WDR26: variants seen among roughly 807,000 people sequenced by gnomAD.
WDR26 encodes WD repeat domain 26.
A neutral mutation model predicts 84.1 loss-of-function variants in WDR26; 5 were observed. That is an observed-to-expected ratio of 0.06 (90% CI 0.03 to 0.13). The LOEUF is 0.13. Ranked by LOEUF, WDR26 falls within the 10% of genes least tolerant of loss-of-function variation. The pLI is 1.00. For synonymous variants in WDR26, 415 were observed against 389.6 expected (o/e 1.07, Z -0.77); for missense variants, 642 against 974.9 (o/e 0.66, Z 4.55).
intron 6 of WDR26, among the ~76,000 whole-genome samples, chr1:224,415,109 A>G (rs963270160): frequency 6.6e-6 from 1 of 152,246 alleles, no homozygotes; most frequent in Non-Finnish European, 1.5e-5. Flanking sequence ...CTGTGTATAT[A>G]ACGTAATGTC....
At chr1:224,413,780 C>G (rs1673805930) in intron 6 of WDR26, among the ~76,000 whole-genome samples, 1 of 152,086 alleles carries the variant, frequency 6.6e-6, no homozygotes, top group South Asian at 2.1e-4. Context: ...ATTTCAGTAT[C>G]AGAAATAGTT....
rs1491057968 is a variant in WDR26 at position 224,391,382 on chromosome 1, AAC to A, written c.2261-1524_2261-1523del. 5.0e-3 allele frequency among the ~76,000 whole-genome samples: 418 copies of A among 84,372 alleles called. 2 individuals carry two copies. Among genetic ancestry groups the A allele is most frequent in the African/African-American group, 0.022 (365 of 16,442 alleles). The allele number at this position is 84,372 out of a possible 152,430, so 55.4% of individuals were successfully genotyped here. A position where few individuals can be genotyped will look rare whatever the true frequency, so the allele number is the denominator to read the frequency against. ...CTGTCTCAAAAAAAAAAAAAAAAAA[AAC>A]AAAAAAAAAACCTTAATTCTACTGT... is the stretch of plus-strand genomic sequence containing the variant. On this transcript the variant is annotated intron_variant, in intron 13 of 13. Transcript: ENST00000414423.
Position 224,386,352 on chromosome 1 carries a change from A to G in WDR26, c.*3483T>C, listed in dbSNP as rs544872144. 5.2e-5 allele frequency: 8 copies of G among 152,742 alleles called. No homozygotes were observed. The East Asian group carries it at 1.3e-3, about 26-fold the overall frequency. 9.5% of individuals were successfully genotyped at this position (152,742 alleles called of 1,614,324 possible). A position where few individuals can be genotyped will look rare whatever the true frequency, so the allele number is the denominator to read the frequency against. ...TGGGACAAAAAGGATATTAAGAAAA[A>G]TGTCTTCTTTCCTCCCCATTCAAAA... On this transcript the variant is annotated 3_prime_UTR_variant, in exon 14 of 14. Coordinates refer to ENST00000414423, the MANE Select transcript of WDR26 (RefSeq NM_001379403.1).
At chr1:224,415,294 A>G (rs1435923685) in intron 6 of WDR26, among the ~76,000 whole-genome samples, 2 of 152,142 alleles carry the variant, frequency 1.3e-5, no homozygotes, top group Non-Finnish European at 1.5e-5. Flanking sequence ...TGTTTCGGAC[A>G]TGCTGTGTTT....
chr1:224,412,963 CG>C (rs1558431632), intron 6 of WDR26: 1 of 155,054 alleles, frequency 6.4e-6, no homozygotes, highest in African/African-American at 2.4e-5. Context: ...CCAAGGCAGA[CG>C]GATCACCTGA....
intron 4 of WDR26, among the ~76,000 whole-genome samples, chr1:224,422,404 A>G (rs1558440242): frequency 6.6e-6 from 1 of 152,340 alleles, no homozygotes; most frequent in East Asian, 1.9e-4. Flanking sequence ...CTGCTGTGTG[A>G]AATATGCATT....
intron 6 of WDR26, among the ~76,000 whole-genome samples, chr1:224,416,267 G>A (rs561490295): frequency 6.7e-6 from 1 of 149,780 alleles, no homozygotes; most frequent in South Asian, 2.1e-4. Flanking sequence ...TCACTCTGTC[G>A]CCCAGGCTAG....
intron 3 of WDR26, among the ~76,000 whole-genome samples, chr1:224,427,863 G>A (rs1404530943): frequency 1.3e-5 from 2 of 152,096 alleles, no homozygotes; most frequent in African/African-American, 4.8e-5. Context: ...AATATTTACT[G>A]AAAACATTGT....
At chr1:224,417,765 T>C (rs1298724680) in intron 6 of WDR26, among the ~76,000 whole-genome samples, 2 of 152,162 alleles carry the variant, frequency 1.3e-5, no homozygotes, top group Admixed American at 6.6e-5. Context: ...ACCATTAAAA[T>C]AGTAGGTATA....
At position 224,414,295 on chromosome 1, in the gene WDR26, A is replaced by G. The variant is rs540582913; in HGVS notation, c.1320-2730T>C. ...TAATTTTTGTATTTTTAGTAGAGGC[A>G]GGGTCTTGCCATGTTGCCCAGGCTG... On this transcript the variant is annotated intron_variant, in intron 6 of 13. Coordinates refer to ENST00000414423, the MANE Select transcript of WDR26 (RefSeq NM_001379403.1). 2.0e-5 allele frequency among the ~76,000 whole-genome samples: 3 copies of G among 151,706 alleles called. No homozygotes were observed. In the East Asian group the frequency reaches 5.8e-4, roughly 29 times the overall value.
chr1:224,424,439 T>C, intron 4 of WDR26, 79 bp downstream of exon 4: 1 of 1,551,360 alleles, frequency 6.4e-7, no homozygotes, highest in Non-Finnish European at 8.7e-7. Flanking sequence ...ATAATCAAGA[T>C]TTTATATTTT....
intron 3 of WDR26, among the ~76,000 whole-genome samples, chr1:224,427,486 G>A (rs1426467020): frequency 6.6e-6 from 1 of 152,102 alleles, no homozygotes; most frequent in Admixed American, 6.5e-5. Flanking sequence ...CAGGAGAGCA[G>A]AGAAAGGCTG....
At chr1:224,419,165 C>T (rs1156625416) in intron 5 of WDR26, among the ~76,000 whole-genome samples, 2 of 152,130 alleles carry the variant, frequency 1.3e-5, no homozygotes, top group Admixed American at 1.3e-4. Context: ...CTAAAGAAAC[C>T]TGGACCTTAC....
chr1:224,401,011 G>C lies in WDR26; in HGVS notation c.1658C>G (p.Ala553Gly), dbSNP rs775164829. The C allele has an allele frequency of 4.3e-6, 7 of 1,613,946 alleles. No homozygotes were observed. In the African/African-American group the frequency reaches 9.3e-5, roughly 22 times the overall value. The change falls in exon 9 of 14, where the codon GCT becomes GGT. Residue 553 changes from alanine to glycine, a missense_variant. Coordinates refer to ENST00000414423, the MANE Select transcript of WDR26 (RefSeq NM_001379403.1). Reference sequence around the variant, plus strand: ...AAAGCGCTTCCCATCTGGATTCCAAGCCACACTTGTCAAACTGTCTTCATG... The same window carrying C: ...AAAGCGCTTCCCATCTGGATTCCAACCCACACTTGTCAAACTGTCTTCATG...
At chr1:224,424,802 G>T in intron 3 of WDR26, 148 bp from the exon 4 acceptor site, 1 of 935,598 alleles carries the variant, frequency 1.1e-6, no homozygotes, top group Non-Finnish European at 1.6e-6. Context: ...AAATATTTTA[G>T]TTTAGTAGAG....
intron 7 of WDR26, among the ~76,000 whole-genome samples, chr1:224,407,151 A>AAAAAAAGAATAT: frequency 1.7e-4 from 2 of 11,876 alleles, no homozygotes; most frequent in East Asian, 2.1e-3. Context: ...AAAAAAAAAA[A>AAAAAAAGAATAT]ATATATATAT....
At chr1:224,419,442 T>C in intron 5 of WDR26, 76 bp downstream of exon 5, 3 of 1,117,272 alleles carry the variant, frequency 2.7e-6, no homozygotes, top group Non-Finnish European at 4.1e-6. Flanking sequence ...ATTCCCCATC[T>C]GTCTTCCTAA....
rs148589040 is a variant in WDR26, at chr1:224,406,303, T to C, written c.1459-1733A>G. Among the ~76,000 whole-genome samples the C allele has an allele frequency of 8.6e-5, 13 of 151,792 alleles. No homozygotes were observed. The East Asian group carries it at 2.3e-3, about 27-fold the overall frequency. On this transcript the variant is annotated intron_variant, in intron 7 of 13. Transcript: ENST00000414423. ...GATAGGGATGGATGTTTACAAGAAA[T>C]AGAGGAAGTAAGAATTTGACTAAAG...
chr1:224,409,473 A>C (rs1673671276), intron 7 of WDR26, among the ~76,000 whole-genome samples: 1 of 152,238 alleles, frequency 6.6e-6, no homozygotes, highest in Admixed American at 6.5e-5. Context: ...CCACTGCTTT[A>C]TGGTAAAGAA....
Sources: allele counts gnomAD v4.1 joint callset (sites outside exome capture counted in the v4.1 genomes callset), GRCh38; gene constraint gnomAD v4.1.1; transcripts MANE v1.5; gene names NCBI Gene and HGNC (gene_info 2026-07-23, HGNC 2026-07-21).